Variants in CACNA1C observed in about 807,000 individuals in gnomAD.
The protein encoded by CACNA1C is voltage-dependent L-type calcium channel subunit alpha-1C.
CACNA1C carries 30 observed loss-of-function variants against 229.0 expected under a neutral mutation model. The ratio of observed to expected loss-of-function variants is 0.13; its 90% CI spans 0.10 to 0.18. The LOEUF (loss-of-function observed/expected upper bound fraction) is 0.18. CACNA1C is among the 10% of genes least tolerant of loss of function. CACNA1C has a pLI of 1.00. For synonymous variants in CACNA1C, 1,114 were observed against 1,132.5 expected (o/e 0.98, Z 0.33); for missense variants, 1,658 against 2,845.0 (o/e 0.58, Z 9.49).
At chr12:2,623,762 C>T (rs1253623712) in intron 29 of CACNA1C, among the ~76,000 whole-genome samples, 2 of 152,188 alleles carry the variant, frequency 1.3e-5, no homozygotes, top group African/African-American at 2.4e-5. Context: ...CAGGCAGCTT[C>T]CTCTGGGGTG....
At chr12:2,250,450 G>C (rs566970203) in intron 3 of CACNA1C, among the ~76,000 whole-genome samples, 1 of 152,328 alleles carries the variant, frequency 6.6e-6, no homozygotes, top group Admixed American at 6.5e-5. Context: ...GATGACAGCT[G>C]ATATCTGGGT....
chr12:2,457,750 C>T, intron 5 of CACNA1C, 44 bp downstream of exon 5: 1 of 1,462,510 alleles, frequency 6.8e-7, no homozygotes, highest in Non-Finnish European at 9.1e-7. Flanking sequence ...CTCCTCACCA[C>T]CTTCTGCTGT....
intron 3 of CACNA1C, among the ~76,000 whole-genome samples, chr12:2,135,764 G>A (rs1480152650): frequency 1.4e-5 from 2 of 146,590 alleles, no homozygotes; most frequent in Non-Finnish European, 3.0e-5. Flanking sequence ...CTTTTTGTTT[G>A]TCTGTGCCCT....
chr12:2,567,774 G>A lies in CACNA1C; in HGVS notation c.1875G>A (p.Leu625=). 1 of 1,610,192 alleles carries A rather than the reference G, an allele frequency of 6.2e-7. No individual in the cohort carries two copies. Among genetic ancestry groups the A allele is most frequent in the South Asian group, 1.1e-5 (1 of 90,756 alleles). The part of the protein sequence containing the change: ...GISVLRCVRL[L]RIFKITRYWN... ...CCGTGCTCAGATGCGTCCGGCTGCTGAGGATTTTCAAGATCACGAGGTACT... is the reference window on the plus strand; with the variant it reads ...CCGTGCTCAGATGCGTCCGGCTGCTAAGGATTTTCAAGATCACGAGGTACT... Residue 625 remains leucine, a synonymous_variant, in exon 13 of 47, where the codon CTG becomes CTA. Transcript: ENST00000399655.
rs1266523275 is a variant in CACNA1C, at chr12:2,181,575, G to A, written c.477+61145G>A. Among the ~76,000 whole-genome samples the A allele has an allele frequency of 6.6e-6, 1 of 152,156 alleles. No homozygotes were observed. Among genetic ancestry groups the A allele is most frequent in the African/African-American group, 2.4e-5 (1 of 41,434 alleles). On this transcript the variant is annotated intron_variant, in intron 3 of 46. Coordinates refer to ENST00000399655, the MANE Select transcript of CACNA1C (RefSeq NM_000719.7). The surrounding 1 kb of genome is among the most constrained non-coding windows in gnomAD (Gnocchi z 4.0). The stretch of plus-strand genomic sequence containing the variant: ...CCAGGTGTTTTATTTTATTCTTGTT[G>A]CCATCAGAACTGCTACAAATATGAC...
intron 39 of CACNA1C, chr12:2,676,780 A>T (rs191220501): frequency 7.8e-4 from 151 of 193,372 alleles, no homozygotes; most frequent in African/African-American, 3.3e-3. Flanking sequence ...CCTTTTGCAT[A>T]AAAAAAACAG....
intron 1 of CACNA1C, among the ~76,000 whole-genome samples, chr12:1,976,304 C>G (rs2034344641): frequency 6.6e-6 from 1 of 152,148 alleles, no homozygotes; most frequent in African/African-American, 2.4e-5. Flanking sequence ...GTCGGAATGG[C>G]AAAGGAGACT....
intron 1 of CACNA1C, chr12:2,004,205 T>A: frequency 6.3e-7 from 1 of 1,576,148 alleles, no homozygotes; most frequent in Non-Finnish European, 8.6e-7. Flanking sequence ...CCTCACCGGG[T>A]CCTCAAGTCC....
At position 2,410,655 on chromosome 12, in the gene CACNA1C, G is replaced by A. The variant is rs147835061; in HGVS notation, c.478-38321G>A. Among the ~76,000 whole-genome samples, 1 of 149,840 alleles carries A rather than the reference G, an allele frequency of 6.7e-6. No individual in the cohort carries two copies. Among genetic ancestry groups the A allele is most frequent in the African/African-American group, 2.5e-5 (1 of 40,402 alleles). On this transcript the variant is annotated intron_variant, in intron 3 of 46. Transcript: ENST00000399655. This position sits in a 1 kb window ranked among gnomAD's most constrained non-coding sequence, Gnocchi z 5.3. ...TGTGTGTGTGTGTGTGTGCATGCGT[G>A]TGTGTGTTCCAGGAGCTGACTCTAG...
chr12:2,668,829 T>C (rs941167847), intron 37 of CACNA1C, 104 bp from the exon 38 acceptor site: 1 of 738,144 alleles, frequency 1.4e-6, no homozygotes, highest in Non-Finnish European at 2.4e-6. Context: ...ACATGAGATT[T>C]GGGCGAGGAC....
chr12:2,658,119 C>T (rs2095516970), intron 34 of CACNA1C, among the ~76,000 whole-genome samples: 1 of 152,032 alleles, frequency 6.6e-6, no homozygotes, highest in African/African-American at 2.4e-5. Flanking sequence ...TTGAACTTAT[C>T]GAGTTATACT....
At position 2,677,412 on chromosome 12, in the gene CACNA1C, C is replaced by A; in HGVS notation, c.4956+191C>A. ...GATGTGCCCTTCCCTACCTGCCACCCACCGACTGCCCTCCATGGTTCTGCC... is the reference window on the plus strand; with the variant it reads ...GATGTGCCCTTCCCTACCTGCCACCAACCGACTGCCCTCCATGGTTCTGCC... On this transcript the variant is annotated intron_variant, in intron 40 of 46. Coordinates refer to ENST00000399655, the MANE Select transcript of CACNA1C (RefSeq NM_000719.7). This position sits in a 1 kb window ranked among gnomAD's most constrained non-coding sequence, Gnocchi z 7.4. The A allele has an allele frequency of 1.6e-6, 1 of 643,110 alleles. No individual in the cohort carries two copies. The highest frequency in any genetic ancestry group is 2.6e-6 in the Non-Finnish European group (1 of 380,022). 39.8% of individuals were successfully genotyped at this position (643,110 alleles called of 1,614,324 possible).
intron 1 of CACNA1C, among the ~76,000 whole-genome samples, chr12:2,008,620 T>C (rs974127675): frequency 1.1e-4 from 17 of 152,164 alleles, no homozygotes; most frequent in Non-Finnish European, 2.1e-4. Context: ...TATAAAATAA[T>C]GAAATCCAAG....
In CACNA1C at chr12:2,478,440, T is replaced by C. The variant is rs139576340; in HGVS notation, c.758-7664T>C. Among the ~76,000 whole-genome samples, 1,254 of 152,134 alleles carry C rather than the reference T, an allele frequency of 8.2e-3. 15 individuals are homozygous for C. Among genetic ancestry groups the C allele is most frequent in the African/African-American group, 0.029 (1,190 of 41,490 alleles). ...GACCCGGTTAGAAATGCAAACTCAT[T>C]CCCCACCCATGATGGAGAATTACAA... On this transcript the variant is annotated intron_variant, in intron 5 of 46. Coordinates refer to ENST00000399655, the MANE Select transcript of CACNA1C (RefSeq NM_000719.7).
chr12:2,540,125 C>G (rs532891470), intron 9 of CACNA1C, among the ~76,000 whole-genome samples: 2 of 152,160 alleles, frequency 1.3e-5, no homozygotes, highest in Admixed American at 6.5e-5. Context: ...GGTCCACCCA[C>G]GGACGTCCTG....
At chr12:2,405,941 G>C (rs1293024963) in intron 3 of CACNA1C, among the ~76,000 whole-genome samples, 1 of 152,124 alleles carries the variant, frequency 6.6e-6, no homozygotes, top group African/African-American at 2.4e-5. Flanking sequence ...TTTTAGTGTA[G>C]GTCTGTTGGT....
intron 43 of CACNA1C, among the ~76,000 whole-genome samples, chr12:2,684,528 G>A (rs2097342975): frequency 6.6e-6 from 1 of 152,154 alleles, no homozygotes; most frequent in Non-Finnish European, 1.5e-5. Flanking sequence ...CAGGCACTCT[G>A]CTAGGTTGTT....
intron 3 of CACNA1C, among the ~76,000 whole-genome samples, chr12:2,129,858 C>G (rs2091681454): frequency 6.6e-6 from 1 of 152,208 alleles, no homozygotes; most frequent in Non-Finnish European, 1.5e-5. Context: ...CCCCCTCTCT[C>G]CTGCAGGCTT....
At chr12:2,254,479 T>C (rs1424809233) in intron 3 of CACNA1C, among the ~76,000 whole-genome samples, 1 of 152,174 alleles carries the variant, frequency 6.6e-6, no homozygotes, top group African/African-American at 2.4e-5. Context: ...AGAACGAAGG[T>C]GTGGGCCCGG....
Sources: gnomAD v4.1 joint callset for allele counts (sites outside exome capture counted in the v4.1 genomes callset) on GRCh38, gnomAD v4.1.1 for gene constraint, Gnocchi (gnomAD v3.1) non-coding constraint, MANE v1.5 for transcripts, NCBI Gene and HGNC (gene_info 2026-07-23, HGNC 2026-07-21) for gene names.